Variants in FSD2 observed in about 807,000 individuals in gnomAD.
FSD2 encodes fibronectin type III and SPRY domain-containing protein 2.
In FSD2, 71 loss-of-function variants were observed where a neutral mutation model predicts 80.4. That is an observed-to-expected ratio of 0.88 (90% confidence interval 0.73 to 1.08). The LOEUF is 1.08. Among genes scored for constraint, FSD2 ranks in the 50% least tolerant of loss-of-function variants. The pLI is 0.00. For synonymous variants in FSD2, 361 were observed against 329.5 expected, an observed-to-expected ratio of 1.10 and a Z score of -1.03; for missense variants, 923 against 913.8, an observed-to-expected ratio of 1.01 and a Z score of -0.13.
At chr15:82,779,527 A>G (rs1018585610) in intron 5 of FSD2, among the ~76,000 whole-genome samples, 1 of 151,980 alleles carries the variant, frequency 6.6e-6, no homozygotes, top group Non-Finnish European at 1.5e-5. Flanking sequence ...ATTAGCCAGG[A>G]TGGTGGGGGA....
chr15:82,766,702 G>C (rs958648977), intron 9 of FSD2, among the ~76,000 whole-genome samples: 6 of 146,242 alleles, frequency 4.1e-5, no homozygotes, highest in African/African-American at 1.5e-4. Flanking sequence ...AGATCATCAC[G>C]CCACTGCACT....
chr15:82,780,187 G>A, intron 5 of FSD2, 58 bp downstream of exon 5: 1 of 1,225,702 alleles, frequency 8.2e-7, no homozygotes, highest in Non-Finnish European at 1.1e-6. Context: ...GAGTCTATTT[G>A]GATAACTAAA....
At chr15:82,785,325 T>C (rs2049970404) in intron 3 of FSD2, among the ~76,000 whole-genome samples, 1 of 114,732 alleles carries the variant, frequency 8.7e-6, no homozygotes. Context: ...ATTTATTTAT[T>C]TATTTATTTA....
rs995043314 is a variant in FSD2, at chr15:82,791,717, C to A, written c.-78-4249G>T. ...TCACCTCAAAAAGAAGCACTGTACC[C>A]TTTAGCTATCACCACCAGCATTCCC... On this transcript the variant is annotated intron_variant, in intron 1 of 12. Coordinates refer to ENST00000334574, the MANE Select transcript of FSD2 (RefSeq NM_001007122.4). Among the ~76,000 whole-genome samples the A allele has an allele frequency of 9.9e-5, 15 of 152,252 alleles. 1 individual carries two copies. The East Asian group carries it at 2.9e-3, about 29-fold the overall frequency.
intron 12 of FSD2, 126 bp downstream of exon 12, chr15:82,761,976 C>A: frequency 1.1e-6 from 1 of 883,144 alleles, no homozygotes; most frequent in Non-Finnish European, 1.6e-6. Flanking sequence ...TGGCTGGCAG[C>A]AACTCCTGAA....
chr15:82,797,735 G>A (rs1476718923), intron 1 of FSD2, among the ~76,000 whole-genome samples: 2 of 152,126 alleles, frequency 1.3e-5, no homozygotes, highest in Non-Finnish European at 2.9e-5. Context: ...GCGTGAACCT[G>A]GGAGGCGGAG....
chr15:82,777,890 ATGTGGAGAAC>A (rs1421434813), intron 6 of FSD2, among the ~76,000 whole-genome samples: 4 of 151,112 alleles, frequency 2.6e-5, no homozygotes, highest in Non-Finnish European at 4.4e-5. Context: ...AATGGTGAGA[ATGTGGAGAAC>A]TGGAACCCTT....
rs1182892688 is a variant in FSD2 at position 82,765,171 on chromosome 15, G to A, written c.1815C>T (p.Phe605=). The change falls in exon 11 of 13, where the codon TTC becomes TTT. Residue 605 remains phenylalanine, a synonymous_variant. Transcript: ENST00000334574. ...GTGAGCGGTTGACAAAGTACCTGGT[G>A]AAGTGAGTGTCGCTGGGTGACAGCT... is the stretch of plus-strand genomic sequence containing the variant. ...ARELSPSDTH[F]TRCVAVMGNL... The A allele has an allele frequency of 6.2e-7, 1 of 1,600,090 alleles. No individual in the cohort carries two copies. Among genetic ancestry groups the A allele is most frequent in the Admixed American group, 1.7e-5 (1 of 57,414 alleles).
intron 1 of FSD2, among the ~76,000 whole-genome samples, chr15:82,791,293 C>T (rs774538367): frequency 3.9e-5 from 6 of 152,232 alleles, no homozygotes; most frequent in Non-Finnish European, 4.4e-5. Context: ...CCACCGCACC[C>T]GGCAATTCAG....
At chr15:82,797,457 C>CT (rs926092355) in intron 1 of FSD2, among the ~76,000 whole-genome samples, 3 of 152,164 alleles carry the variant, frequency 2.0e-5, no homozygotes, top group Non-Finnish European at 2.9e-5. Context: ...CACAAATAAA[C>CT]TTTTTTTAAA....
At position 82,755,846 on chromosome 15, in the gene FSD2, A is replaced by T; in HGVS notation, c.*3502T>A. Reference sequence around the variant, plus strand: ...TACAGTGAAACAAGCATATGTACAGAGTTAATCTCCTATAGCTTGAAGTTA... The same window carrying T: ...TACAGTGAAACAAGCATATGTACAGTGTTAATCTCCTATAGCTTGAAGTTA... On this transcript the variant is annotated 3_prime_UTR_variant, in exon 13 of 13. Transcript: ENST00000334574. 3 of 377,108 alleles carry T rather than the reference A, an allele frequency of 8.0e-6. No individual in the cohort carries two copies. The highest frequency in any genetic ancestry group is 2.3e-5 in the South Asian group (1 of 43,720). The allele number at this position is 377,108 out of a possible 1,614,324, so 23.4% of individuals were successfully genotyped here. A position where few individuals can be genotyped will look rare whatever the true frequency, so the allele number is the denominator to read the frequency against.
chr15:82,765,384 G>C, intron 10 of FSD2, 86 bp from the exon 11 acceptor site: 3 of 1,562,264 alleles, frequency 1.9e-6, no homozygotes, highest in Non-Finnish European at 2.6e-6. Context: ...AGCTTCGTGT[G>C]GGATACACCT....
chr15:82,796,213 G>A (rs1389657336), intron 1 of FSD2: 1 of 153,616 alleles, frequency 6.5e-6, no homozygotes, highest in Non-Finnish European at 1.5e-5. Context: ...ATGTTGTCCA[G>A]GCTGGTCTCA....
intron 1 of FSD2, among the ~76,000 whole-genome samples, chr15:82,804,397 A>C (rs911779159): frequency 2.0e-5 from 3 of 152,194 alleles, no homozygotes; most frequent in Non-Finnish European, 4.4e-5. Context: ...TAGGATGGCA[A>C]AACTGAGATC....
chr15:82,780,225 T>C lies in FSD2; in HGVS notation c.989+20A>G. The C allele has an allele frequency of 6.7e-7, 1 of 1,487,528 alleles. No individual in the cohort carries two copies. Among genetic ancestry groups the C allele is most frequent in the Non-Finnish European group, 9.0e-7 (1 of 1,108,430 alleles). 92.1% of individuals were successfully genotyped at this position (1,487,528 alleles called of 1,614,324 possible). A position where few individuals can be genotyped will look rare whatever the true frequency, so the allele number is the denominator to read the frequency against. On this transcript the variant is annotated intron_variant, in intron 5 of 12. Coordinates refer to ENST00000334574, the MANE Select transcript of FSD2 (RefSeq NM_001007122.4). ...TGAAAAAAGTAAAAAAAGAAATACA[T>C]ACTAGAACAAATGTATTACCTGTCA...
intron 1 of FSD2, among the ~76,000 whole-genome samples, chr15:82,803,140 C>T (rs1182868860): frequency 6.6e-6 from 1 of 152,090 alleles, no homozygotes; most frequent in Non-Finnish European, 1.5e-5. Context: ...TTTCCTGGGA[C>T]CCCAGAGTAC....
Position 82,766,025 on chromosome 15 carries a change from A to T in FSD2, c.1560T>A (p.Val520=), listed in dbSNP as rs1319767318. ...CGGACTCGCAGGTCGGGATGCCCAC[A>T]ACAGACCTGTACAAGGAAGCAGAGC... The part of the protein sequence containing the change: ...SPEASGVTES[V]VGIPTCESVV... Residue 520 remains valine (V), a synonymous_variant, in exon 10 of 13, where the codon GTT becomes GTA. Coordinates refer to ENST00000334574, the MANE Select transcript of FSD2 (RefSeq NM_001007122.4). 1 of 1,583,086 alleles carries T rather than the reference A, an allele frequency of 6.3e-7. No individual in the cohort carries two copies. The highest frequency in any genetic ancestry group is 8.6e-7 in the Non-Finnish European group (1 of 1,166,574).
chr15:82,787,127 A>G lies in FSD2; in HGVS notation c.264T>C (p.Asp88=). ...YGLEDDHELG[D]EFVDENIPRT... The stretch of plus-strand genomic sequence containing the variant: ...TGGGTATGTTTTCATCAACAAACTC[A>G]TCCCCTAATTCATGATCATCTTCAA... Residue 88 remains aspartate, a synonymous_variant, in exon 2 of 13, where the codon GAT becomes GAC. Transcript: ENST00000334574. The G allele has an allele frequency of 2.5e-6, 4 of 1,614,042 alleles. No individual in the cohort carries two copies. Among genetic ancestry groups the G allele is most frequent in the Non-Finnish European group, 3.4e-6 (4 of 1,179,910 alleles).
At chr15:82,796,836 A>G (rs1164565676) in intron 1 of FSD2, among the ~76,000 whole-genome samples, 1 of 152,156 alleles carries the variant, frequency 6.6e-6, no homozygotes. Flanking sequence ...ATCAGCTCCC[A>G]GATGCTCAAC....
Sources: allele counts gnomAD v4.1 joint callset (sites outside exome capture counted in the v4.1 genomes callset), GRCh38; gene constraint gnomAD v4.1.1; transcripts MANE v1.5; gene names NCBI Gene and HGNC (gene_info 2026-07-23, HGNC 2026-07-21).